POLQ: variants seen among roughly 807,000 people sequenced by gnomAD.
The protein encoded by POLQ is DNA polymerase theta.
In POLQ, 233 loss-of-function variants were observed where a neutral mutation model predicts 259.2. The observed-to-expected ratio is 0.90, with a 90% CI of 0.81 to 1.00. The LOEUF (loss-of-function observed/expected upper bound fraction) is 1.00. Among genes scored for constraint, POLQ ranks in the 50% least tolerant of loss-of-function variants. POLQ has a pLI of 0.00. For synonymous variants in POLQ, 1,025 were observed against 1,048.8 expected (o/e 0.98, Z 0.44); for missense variants, 2,871 against 3,051.6 (o/e 0.94, Z 1.39).
At chr3:121,541,622 T>C (rs1332231439) in intron 2 of POLQ, 143 bp from the exon 3 acceptor site, 5 of 652,420 alleles carry the variant, frequency 7.7e-6, no homozygotes, top group Non-Finnish European at 1.0e-5. Context: ...AAAATCTTTA[T>C]ACCCTGAAAT....
At chr3:121,544,638 A>G in intron 2 of POLQ, 89 bp downstream of exon 2, 1 of 794,264 alleles carries the variant, frequency 1.3e-6, no homozygotes, top group South Asian at 1.7e-5. Flanking sequence ...TGCCTCATTC[A>G]CCTTTTAAAC....
At chr3:121,443,392 T>A (rs192027221) in intron 26 of POLQ, among the ~76,000 whole-genome samples, 98 of 152,356 alleles carry the variant, frequency 6.4e-4, no homozygotes, top group Non-Finnish European at 1.3e-3. Context: ...CTCTTTGCCA[T>A]TTGTATGTCT....
chr3:121,481,252 A>G (rs1395521019), intron 19 of POLQ, among the ~76,000 whole-genome samples: 4 of 152,226 alleles, frequency 2.6e-5, no homozygotes, highest in African/African-American at 7.2e-5. Context: ...TTCTTCACAC[A>G]AGGGCCAGAA....
chr3:121,507,384 A>G (rs1330853593), intron 12 of POLQ, among the ~76,000 whole-genome samples: 1 of 152,174 alleles, frequency 6.6e-6, no homozygotes, highest in Admixed American at 6.6e-5. Flanking sequence ...ACCACAATAT[A>G]TTGTCTAAGA....
intron 8 of POLQ, among the ~76,000 whole-genome samples, chr3:121,520,323 G>GCGATCACCTCA (rs1182146016): frequency 6.6e-6 from 1 of 152,014 alleles, no homozygotes; most frequent in African/African-American, 2.4e-5. Context: ...ATCGCTTGAG[G>GCGATCACCTCA]TCAGGAGTTC....
intron 24 of POLQ, among the ~76,000 whole-genome samples, chr3:121,466,283 GAA>G (rs769191331): frequency 3.8e-5 from 3 of 78,256 alleles, no homozygotes. Flanking sequence ...AAGCTGCAAG[GAA>G]AAAAAAAAAA....
At chr3:121,544,940 TAC>T in intron 1 of POLQ, 34 bp from the exon 2 acceptor site, 9 of 1,344,678 alleles carry the variant, frequency 6.7e-6, no homozygotes, top group Non-Finnish European at 9.3e-6. Context: ...AAATTTAATT[TAC>T]TTCTAATATA....
At chr3:121,530,026 A>G (rs114122920) in intron 6 of POLQ, among the ~76,000 whole-genome samples, 2,203 of 152,350 alleles carry the variant, frequency 0.014, 58 homozygotes, top group African/African-American at 0.05. Context: ...CTGAGCTCCA[A>G]CCCTCAGGCA....
chr3:121,452,076 G>C (rs10934550), intron 25 of POLQ, among the ~76,000 whole-genome samples: 105,179 of 152,138 alleles, frequency 0.69, 36,558 homozygotes, highest in East Asian at 0.89. Flanking sequence ...GGACATGGTA[G>C]CCTCCGAGTC....
intron 3 of POLQ, 64 bp downstream of exon 3, chr3:121,541,285 T>C: frequency 7.5e-7 from 1 of 1,339,048 alleles, no homozygotes; most frequent in Non-Finnish European, 1.0e-6. Flanking sequence ...CTATTTCAAA[T>C]GAATGAAACC....
Position 121,442,232 on chromosome 3 carries a change from G to A in POLQ, c.7265-2116C>T, listed in dbSNP as rs147678349. ...AGATATTATGATACAGGCATGCAAT[G>A]CATAATAATCACATGAGGGAAAATG... On this transcript the variant is annotated intron_variant, in intron 26 of 29. Coordinates refer to ENST00000264233, the MANE Select transcript of POLQ (RefSeq NM_199420.4). 1.8e-4 allele frequency among the ~76,000 whole-genome samples: 28 copies of A among 152,282 alleles called. 1 individual carries two copies. Among genetic ancestry groups the A allele is most frequent in the Non-Finnish European group, 3.4e-4 (23 of 68,014 alleles).
At position 121,487,463 on chromosome 3, in the gene POLQ, T is replaced by C. The variant is rs773234525; in HGVS notation, c.5468A>G (p.Glu1823Gly). 5 of 1,614,110 alleles carry C rather than the reference T, an allele frequency of 3.1e-6. No individual in the cohort carries two copies. The South Asian group carries it at 4.4e-5, about 14-fold the overall frequency. ...LQLTPASSSS[E>G]SLSIIDVASD... ...TGCTACATCAATTATGGACAAACTT[T>C]CTGAACTGCTTGAGGCTGGAGTTAA... Residue 1823 changes from glutamate (E) to glycine (G), a missense_variant, in exon 16 of 30, where the codon GAA (glutamate) becomes GGA (glycine). Glu to Gly is a moderately conservative substitution (Grantham distance 98). Around this residue, in one of 3 missense-constraint regions of POLQ, gnomAD observed 2,080 missense variants for 2,126.0 expected, o/e 0.98. Transcript: ENST00000264233.
At chr3:121,495,718 G>A (rs564230334) in intron 14 of POLQ, among the ~76,000 whole-genome samples, 5 of 151,360 alleles carry the variant, frequency 3.3e-5, no homozygotes, top group Non-Finnish European at 7.4e-5. Context: ...GCGTGGTGCC[G>A]GGCACCTGTA....
intron 12 of POLQ, among the ~76,000 whole-genome samples, chr3:121,501,977 G>C (rs1576419148): frequency 6.9e-6 from 1 of 144,196 alleles, no homozygotes; most frequent in East Asian, 2.0e-4. Flanking sequence ...GCAACAGAAT[G>C]AGACTCTGTC....
chr3:121,457,906 A>T (rs2047755945), intron 25 of POLQ, among the ~76,000 whole-genome samples: 1 of 152,166 alleles, frequency 6.6e-6, no homozygotes, highest in African/African-American at 2.4e-5. Context: ...AAGGACTATA[A>T]ATCATGCTGC....
At chr3:121,472,466 C>T (rs2047892147) in intron 21 of POLQ, among the ~76,000 whole-genome samples, 1 of 152,166 alleles carries the variant, frequency 6.6e-6, no homozygotes, top group African/African-American at 2.4e-5. Flanking sequence ...TTATTTTACA[C>T]CATCTGTTTT....
chr3:121,444,927 C>T (rs976629585), intron 26 of POLQ, among the ~76,000 whole-genome samples: 1 of 152,076 alleles, frequency 6.6e-6, no homozygotes, highest in African/African-American at 2.4e-5. Context: ...TTGAACCATC[C>T]TTGCATCCCA....
intron 9 of POLQ, among the ~76,000 whole-genome samples, chr3:121,516,726 C>T (rs2048300126): frequency 6.6e-6 from 1 of 152,110 alleles, no homozygotes; most frequent in African/African-American, 2.4e-5. Context: ...CATGTGCTGT[C>T]CAGGAATATA....
At chr3:121,452,818 A>C (rs565082330) in intron 25 of POLQ, among the ~76,000 whole-genome samples, 5,504 of 152,286 alleles carry the variant, frequency 0.036, 147 homozygotes, top group Middle Eastern at 0.082. Flanking sequence ...AGGGCACAGA[A>C]AAACAAAAAG....
Sources: gnomAD v4.1 joint callset for allele counts (sites outside exome capture counted in the v4.1 genomes callset) on GRCh38, gnomAD v4.1.1 for gene constraint, gnomAD v4.1.1 regional missense constraint, MANE v1.5 for transcripts, NCBI Gene and HGNC (gene_info 2026-07-23, HGNC 2026-07-21) for gene names.